SNRNP40: variants seen among roughly 807,000 people sequenced by gnomAD.
SNRNP40 encodes the protein small nuclear ribonucleoprotein U5 subunit 40, also known as U5 small nuclear ribonucleoprotein 40 kDa protein.
A neutral mutation model predicts 45.8 loss-of-function variants in SNRNP40; 21 were observed. The observed-to-expected ratio is 0.46, with a 90% CI of 0.32 to 0.66. The LOEUF is 0.66. Ranked by LOEUF, SNRNP40 falls within the 30% of genes least tolerant of loss-of-function variation. The pLI is 0.03. For missense variants in SNRNP40, 344 were observed against 439.1 expected, an observed-to-expected ratio of 0.78 and a Z score of 1.94; for synonymous variants, 142 against 163.8, an observed-to-expected ratio of 0.87 and a Z score of 1.01.
intron 8 of SNRNP40, among the ~76,000 whole-genome samples, chr1:31,262,551 A>G (rs2148379072): frequency 6.7e-6 from 1 of 148,542 alleles, no homozygotes; most frequent in Admixed American, 6.7e-5. Context: ...AAAAGAGGAG[A>G]AAAAAGAAAT....
At chr1:31,268,259 G>A (rs556382329) in intron 7 of SNRNP40, among the ~76,000 whole-genome samples, 2 of 148,900 alleles carry the variant, frequency 1.3e-5, no homozygotes, top group Admixed American at 6.8e-5. Context: ...AAAAATACAC[G>A]CAAACCCAAC....
chr1:31,271,425 T>C lies in SNRNP40; in HGVS notation c.729A>G (p.Leu243=). ...ACAAAAGATAAGAGCCTTCAGAACT[T>C]AAACTCAGGCCAGTCACTGAATCTG... ...GHADSVTGLS[L]SSEGSYLLSN... is the part of the protein sequence containing the mutation. Residue 243 remains leucine, a synonymous_variant, in exon 6 of 10, where the codon TTA becomes TTG. Coordinates refer to ENST00000263694, the MANE Select transcript of SNRNP40 (RefSeq NM_004814.3). The C allele has an allele frequency of 6.2e-7, 1 of 1,613,992 alleles. No individual in the cohort carries two copies.
chr1:31,271,864 G>A (rs1231057634), intron 5 of SNRNP40, among the ~76,000 whole-genome samples: 1 of 152,014 alleles, frequency 6.6e-6, no homozygotes, highest in African/African-American at 2.4e-5. Context: ...TTGAACTCCC[G>A]AGCTCAAGCA....
intron 6 of SNRNP40, among the ~76,000 whole-genome samples, chr1:31,270,503 T>C (rs748804810): frequency 2.0e-5 from 3 of 152,226 alleles, no homozygotes; most frequent in Non-Finnish European, 4.4e-5. Context: ...GCAGTAGCTA[T>C]AGCCGTTGTA....
chr1:31,285,003 A>C (rs1374550536), intron 4 of SNRNP40, among the ~76,000 whole-genome samples: 3 of 152,248 alleles, frequency 2.0e-5, no homozygotes, highest in East Asian at 3.9e-4. Flanking sequence ...ACTGTACTAT[A>C]ATCTTTGTCT....
At chr1:31,294,875 G>A (rs1399676692) in intron 1 of SNRNP40, among the ~76,000 whole-genome samples, 2 of 151,514 alleles carry the variant, frequency 1.3e-5, no homozygotes, top group Non-Finnish European at 2.9e-5. Flanking sequence ...CCGGGTGGCG[G>A]AGGTTGCGGT....
intron 5 of SNRNP40, among the ~76,000 whole-genome samples, chr1:31,278,885 G>C (rs1029619627): frequency 3.3e-5 from 5 of 152,132 alleles, no homozygotes; most frequent in African/African-American, 9.7e-5. Context: ...GAATAATGAT[G>C]TTTAAAGACT....
chr1:31,288,842 C>T (rs1382886095), intron 4 of SNRNP40, among the ~76,000 whole-genome samples: 4 of 152,178 alleles, frequency 2.6e-5, no homozygotes, highest in African/African-American at 9.7e-5. Flanking sequence ...CACCATTCTC[C>T]TGCCTCAGCC....
intron 7 of SNRNP40, among the ~76,000 whole-genome samples, 155 bp downstream of exon 7, chr1:31,269,003 T>G (rs1645918910): frequency 6.6e-6 from 1 of 152,218 alleles, no homozygotes; most frequent in South Asian, 2.1e-4. Flanking sequence ...ATTATTTCTA[T>G]CCGTTTTATT....
chr1:31,270,572 A>C (rs976801438), intron 6 of SNRNP40, among the ~76,000 whole-genome samples: 1 of 152,250 alleles, frequency 6.6e-6, no homozygotes, highest in African/African-American at 2.4e-5. Context: ...GTATGAAAAA[A>C]GTATTATCAA....
At chr1:31,294,448 A>ATATTTATTTATT (rs35334975) in intron 1 of SNRNP40, among the ~76,000 whole-genome samples, 6 of 149,022 alleles carry the variant, frequency 4.0e-5, no homozygotes, top group Non-Finnish European at 9.0e-5. Flanking sequence ...CAGCATTTTC[A>ATATTTATTTATT]TATTTATTTA....
At chr1:31,279,298 T>A (rs897490823) in intron 5 of SNRNP40, among the ~76,000 whole-genome samples, 1 of 152,214 alleles carries the variant, frequency 6.6e-6, no homozygotes, top group African/African-American at 2.4e-5. Context: ...TTCATGAGGT[T>A]GTAAGGTCAA....
At chr1:31,270,307 T>G (rs1645928848) in intron 6 of SNRNP40, among the ~76,000 whole-genome samples, 2 of 152,232 alleles carry the variant, frequency 1.3e-5, no homozygotes, top group Admixed American at 1.3e-4. Flanking sequence ...AGTATCAATC[T>G]AGGAAACCTC....
At chr1:31,276,759 G>A (rs1432100106) in intron 5 of SNRNP40, among the ~76,000 whole-genome samples, 6 of 152,108 alleles carry the variant, frequency 3.9e-5, no homozygotes, top group African/African-American at 1.4e-4. Context: ...CTGGCCAGGC[G>A]TGGTGGCTCA....
intron 5 of SNRNP40, among the ~76,000 whole-genome samples, chr1:31,273,969 G>GA (rs1553166461): frequency 4.7e-4 from 69 of 147,602 alleles, no homozygotes; most frequent in Non-Finnish European, 8.4e-4. Flanking sequence ...TTTTGTTTTT[G>GA]TTTTTTTTTT....
At position 31,291,899 on chromosome 1, in the gene SNRNP40, T is replaced by C. The variant is rs1201710480; in HGVS notation, c.365+14A>G. ...AGTATGAGAAGCTGTCCTTCCATTA[T>C]GCAGAATACTCACCTGCCATCTGTG... is the stretch of plus-strand genomic sequence containing the variant. On this transcript the variant is annotated intron_variant, in intron 3 of 9. Transcript: ENST00000263694. 1.9e-6 allele frequency: 3 copies of C among 1,545,958 alleles called. No individual in the cohort carries two copies. Among genetic ancestry groups the C allele is most frequent in the Admixed American group, 1.7e-5 (1 of 59,934 alleles).
At chr1:31,278,484 A>G (rs1264900998) in intron 5 of SNRNP40, among the ~76,000 whole-genome samples, 1 of 152,250 alleles carries the variant, frequency 6.6e-6, no homozygotes, top group East Asian at 1.9e-4. Context: ...TGAAAAGTAT[A>G]AAAGTTATCA....
intron 5 of SNRNP40, among the ~76,000 whole-genome samples, chr1:31,272,499 G>C (rs1020704729): frequency 2.0e-5 from 3 of 152,226 alleles, no homozygotes; most frequent in Admixed American, 1.3e-4. Flanking sequence ...GGTGACTTAG[G>C]GTAAGAATAA....
At chr1:31,271,972 C>T (rs1181250775) in intron 5 of SNRNP40, among the ~76,000 whole-genome samples, 4 of 152,016 alleles carry the variant, frequency 2.6e-5, no homozygotes, top group African/African-American at 7.3e-5. Context: ...CAGGCTACCA[C>T]GTTTGACTAG....
Sources: gnomAD v4.1 joint callset for allele counts (sites outside exome capture counted in the v4.1 genomes callset) on GRCh38, gnomAD v4.1.1 for gene constraint, MANE v1.5 for transcripts, NCBI Gene and HGNC (gene_info 2026-07-23, HGNC 2026-07-21) for gene names.